ZNF239: variants seen among roughly 807,000 people sequenced by gnomAD.
ZNF239 encodes the protein zinc finger protein (C2H2) homologous to mouse MOK-2.
In ZNF239, 16 loss-of-function variants were observed where a neutral mutation model predicts 27.5. The observed-to-expected ratio is 0.58, with a 90% CI of 0.39 to 0.88. The LOEUF (loss-of-function observed/expected upper bound fraction) is 0.88. Among genes scored for constraint, ZNF239 ranks in the 40% least tolerant of loss-of-function variants. The pLI is 0.00. For missense variants in ZNF239, 527 were observed against 551.9 expected (o/e 0.95, Z 0.45); for synonymous variants, 199 against 192.6 (o/e 1.03, Z -0.27).
intron 3 of ZNF239, chr10:43,564,298 C>T (rs1227442998): frequency 2.0e-6 from 2 of 983,970 alleles, no homozygotes; most frequent in Non-Finnish European, 1.2e-6. Context: ...TAGTAACACT[C>T]CAAAGAATGA....
In ZNF239 at chr10:43,573,662, C is replaced by T; in HGVS notation, c.-241G>A. 1.0e-6 allele frequency: 1 copy of T among 985,386 alleles called. No homozygotes were observed. The highest frequency in any genetic ancestry group is 4.7e-5 in the South Asian group (1 of 21,284). The allele number at this position is 985,386 out of a possible 1,614,324, so 61.0% of individuals were successfully genotyped here. A position where few individuals can be genotyped will look rare whatever the true frequency, so the allele number is the denominator to read the frequency against. Reference sequence around the variant, plus strand: ...CCGGACCCTGGTCATTTCTTACTCCCAGAGGGGATGGATTCCTGGAAAGGC... The same window carrying T: ...CCGGACCCTGGTCATTTCTTACTCCTAGAGGGGATGGATTCCTGGAAAGGC... On this transcript the variant is annotated 5_prime_UTR_variant, in exon 2 of 4. Coordinates refer to ENST00000374446, the MANE Select transcript of ZNF239 (RefSeq NM_001099282.2).
At chr10:43,560,528 T>C (rs926390248) in intron 3 of ZNF239, among the ~76,000 whole-genome samples, 22 of 151,092 alleles carry the variant, frequency 1.5e-4, no homozygotes, top group Non-Finnish European at 5.9e-5. Flanking sequence ...CCTTAGCCCA[T>C]CCGTGGGGCC....
rs775199799 is a variant in ZNF239, at chr10:43,557,363, T to C, written c.717A>G (p.Gln239=). 42 of 1,614,200 alleles carry C rather than the reference T, an allele frequency of 2.6e-5. No homozygotes were observed. The highest frequency in any genetic ancestry group is 8.3e-5 in the Admixed American group (5 of 60,026). ...AGCTCCTTGTGAAGCCCTTCCCACA[T>C]TGCTCACATTTGTAGGGTTTTTCTT... The part of the protein sequence containing the change: ...HTEEKPYKCE[Q]CGKGFTRSSS... The change falls in exon 4 of 4, where the codon CAA becomes CAG. Residue 239 remains glutamine (Q), a synonymous_variant. Transcript: ENST00000374446.
chr10:43,570,388 C>T (rs1370820503), intron 2 of ZNF239: 1 of 985,238 alleles, frequency 1.0e-6, no homozygotes, highest in African/African-American at 1.7e-5. Flanking sequence ...AGGCATGACC[C>T]ATGGCATATT....
At chr10:43,564,653 C>T (rs1470167611) in intron 3 of ZNF239, among the ~76,000 whole-genome samples, 3 of 152,072 alleles carry the variant, frequency 2.0e-5, no homozygotes, top group African/African-American at 7.2e-5. Context: ...CCTCAGCCTC[C>T]CAAGTAGCTG....
chr10:43,573,627 G>A lies in ZNF239; in HGVS notation c.-216+10C>T, dbSNP rs41304615. On this transcript the variant is annotated intron_variant, in intron 2 of 3. Coordinates refer to ENST00000374446, the MANE Select transcript of ZNF239 (RefSeq NM_001099282.2). ...GATGGCATTTTAGGAGAAATGGAAC[G>A]CCAACTCACCCGGACCCTGGTCATT... 5,761 of 985,310 alleles carry A rather than the reference G, an allele frequency of 5.8e-3. 28 individuals carry two copies. Among genetic ancestry groups the A allele is most frequent in the Non-Finnish European group, 6.4e-3 (5,275 of 829,870 alleles). 61.0% of individuals were successfully genotyped at this position (985,310 alleles called of 1,614,324 possible). A position where few individuals can be genotyped will look rare whatever the true frequency, so the allele number is the denominator to read the frequency against.
In ZNF239 at chr10:43,558,224, T is replaced by C. The variant is rs994221085; in HGVS notation, c.-92-53A>G. ...AGAACAAAGGGTAGACTTCAAGATT[T>C]CAGAGTGAGAGTGCCTAAGGCCTGA... On this transcript the variant is annotated intron_variant, in intron 3 of 3. Coordinates refer to ENST00000374446, the MANE Select transcript of ZNF239 (RefSeq NM_001099282.2). 4 of 1,437,184 alleles carry C rather than the reference T, an allele frequency of 2.8e-6. No homozygotes were observed. The African/African-American group carries it at 5.8e-5, about 21-fold the overall frequency. 89.0% of individuals were successfully genotyped at this position (1,437,184 alleles called of 1,614,324 possible).
chr10:43,558,190 T>G lies in ZNF239; in HGVS notation c.-92-19A>C. On this transcript the variant is annotated intron_variant, in intron 3 of 3. Transcript: ENST00000374446. ...AAGTCTCCTAGGGAACAAAGACAAT[T>G]CAGTGGTAAGAACAAAGGGTAGACT... 1 of 1,463,900 alleles carries G rather than the reference T, an allele frequency of 6.8e-7. No individual in the cohort carries two copies. 90.7% of individuals were successfully genotyped at this position (1,463,900 alleles called of 1,614,324 possible). A position where few individuals can be genotyped will look rare whatever the true frequency, so the allele number is the denominator to read the frequency against.
At position 43,557,296 on chromosome 10, in the gene ZNF239, G is replaced by C. The variant is rs143404269; in HGVS notation, c.784C>G (p.Pro262Ala). 3.8e-5 allele frequency: 61 copies of C among 1,614,122 alleles called. No individual in the cohort carries two copies. In the African/African-American group the frequency reaches 7.7e-4, roughly 20 times the overall value. The change falls in exon 4 of 4, where the codon CCT becomes GCT. Residue 262 changes from proline (P) to alanine (A), a missense_variant. Coordinates refer to ENST00000374446, the MANE Select transcript of ZNF239 (RefSeq NM_001099282.2). ...IHQAVHTDEK[P>A]YKCDKCGKGF... ...TTCCCACACTTGTCACACTTATAAG[G>C]CTTCTCATCTGTGTGGACTGCCTGA...
At chr10:43,568,166 T>C in intron 2 of ZNF239, 145 bp from the exon 3 acceptor site, 2 of 985,524 alleles carry the variant, frequency 2.0e-6, no homozygotes, top group South Asian at 9.4e-5. Flanking sequence ...TAAGCCAAGT[T>C]TTGTTGGAAA....
intron 3 of ZNF239, 80 bp downstream of exon 3, chr10:43,567,819 A>G: frequency 1.2e-6 from 1 of 800,938 alleles, no homozygotes; most frequent in Non-Finnish European, 1.5e-6. Context: ...ATAGTCAGAA[A>G]ACATCCTTTT....
At chr10:43,560,790 A>G (rs1297972217) in intron 3 of ZNF239, among the ~76,000 whole-genome samples, 2 of 152,082 alleles carry the variant, frequency 1.3e-5, no homozygotes, top group African/African-American at 4.8e-5. Flanking sequence ...TTGAGGACAC[A>G]CTCCAATATC....
intron 2 of ZNF239, among the ~76,000 whole-genome samples, chr10:43,572,129 T>C (rs1244294134): frequency 6.6e-6 from 1 of 152,282 alleles, no homozygotes; most frequent in East Asian, 1.9e-4. Flanking sequence ...AAACACACAA[T>C]GCTTGGAATG....
At chr10:43,568,054 C>G (rs1837797182) in intron 2 of ZNF239, 33 bp from the exon 3 acceptor site, 1 of 985,750 alleles carries the variant, frequency 1.0e-6, no homozygotes, top group Non-Finnish European at 1.2e-6. Context: ...CCTCAACAAA[C>G]AACCATCTGC....
In ZNF239 at chr10:43,567,348, T is replaced by C. The variant is rs573885450; in HGVS notation, c.-93+551A>G. On this transcript the variant is annotated intron_variant, in intron 3 of 3. Transcript: ENST00000374446. ...AAGCAAAGATGGCACATGACCAATG[T>C]TGGGGAAATGTGGGGAAAGGCAGGA... Among the ~76,000 whole-genome samples the C allele has an allele frequency of 1.4e-3, 209 of 151,712 alleles. 1 individual carries two copies. Among genetic ancestry groups the C allele is most frequent in the African/African-American group, 4.9e-3 (202 of 41,374 alleles).
intron 3 of ZNF239, among the ~76,000 whole-genome samples, chr10:43,565,890 A>C (rs1837614208): frequency 6.6e-6 from 1 of 151,622 alleles, no homozygotes; most frequent in South Asian, 2.1e-4. Context: ...CTAAGAGAGA[A>C]GCTGGAGGAA....
At chr10:43,562,553 G>C (rs1199683674) in intron 3 of ZNF239, among the ~76,000 whole-genome samples, 1 of 152,168 alleles carries the variant, frequency 6.6e-6, no homozygotes. Context: ...TTGTTTACAT[G>C]AGAGAGAAAA....
chr10:43,574,370 C>A (rs1838225127), intron 1 of ZNF239, among the ~76,000 whole-genome samples, 170 bp downstream of exon 1: 1 of 152,188 alleles, frequency 6.6e-6, no homozygotes, highest in Non-Finnish European at 1.5e-5. Context: ...GGAAATGCGG[C>A]GCCGGGACAC....
intron 3 of ZNF239, 96 bp from the exon 4 acceptor site, chr10:43,558,267 A>G: frequency 8.5e-7 from 1 of 1,178,094 alleles, no homozygotes; most frequent in Non-Finnish European, 1.1e-6. Flanking sequence ...GTAACTAGGA[A>G]AAAGTTCAGC....
Sources: allele counts gnomAD v4.1 joint callset (sites outside exome capture counted in the v4.1 genomes callset), GRCh38; gene constraint gnomAD v4.1.1; transcripts MANE v1.5; gene names NCBI Gene and HGNC (gene_info 2026-07-23, HGNC 2026-07-21).